SUGCT: variants seen among roughly 807,000 people sequenced by gnomAD.
The protein encoded by SUGCT is succinyl-CoA:glutarate-CoA transferase, also known as succinyl-CoA:glutarate CoA-transferase.
SUGCT carries 41 observed loss-of-function variants against 55.0 expected under a neutral mutation model. The ratio of observed to expected loss-of-function variants is 0.74; its 90% confidence interval spans 0.58 to 0.97. The LOEUF is 0.97. Ranked by LOEUF, SUGCT falls within the 50% of genes least tolerant of loss-of-function variation. SUGCT has a pLI of 0.00. For missense variants in SUGCT, 568 were observed against 547.8 expected (o/e 1.04, Z -0.37); for synonymous variants, 187 against 200.4 (o/e 0.93, Z 0.56).
chr7:40,255,879 T>G (rs778315343), intron 7 of SUGCT, among the ~76,000 whole-genome samples: 4 of 152,158 alleles, frequency 2.6e-5, no homozygotes, highest in Non-Finnish European at 4.4e-5. Context: ...GTAAATATAA[T>G]GGACAGAGTT....
intron 10 of SUGCT, among the ~76,000 whole-genome samples, chr7:40,456,840 A>C (rs891355920): frequency 1.1e-4 from 16 of 152,168 alleles, no homozygotes; most frequent in Non-Finnish European, 2.1e-4. Flanking sequence ...TGGCTGCAGC[A>C]ATGAGCAAGG....
intron 12 of SUGCT, among the ~76,000 whole-genome samples, chr7:40,582,224 C>G (rs1797138614): frequency 6.6e-6 from 1 of 152,008 alleles, no homozygotes; most frequent in Non-Finnish European, 1.5e-5. Flanking sequence ...AAAATAGAGT[C>G]TGAATGTGGA....
At chr7:40,922,812 C>T in the SUGCT span, among the ~76,000 whole-genome samples, 1 of 152,208 alleles carries the variant, frequency 6.6e-6, no homozygotes, top group Admixed American at 6.5e-5. Context: ...GACTTGCCTT[C>T]AGACATATTT....
Position 40,860,259 on chromosome 7 carries a change from A to G in SUGCT, c.1154-57A>G, listed in dbSNP as rs1794426722. 4 of 1,608,450 alleles carry G rather than the reference A, an allele frequency of 2.5e-6. No individual in the cohort carries two copies. The Admixed American group carries it at 6.7e-5, about 27-fold the overall frequency. ...GAAAACACCCCAGGCTGCTTAGGTA[A>G]TTAATTTCGTAGGGTTAGTCATTAA... On this transcript the variant is annotated intron_variant, in intron 13 of 13. Transcript: ENST00000335693.
the SUGCT span, among the ~76,000 whole-genome samples, chr7:40,895,119 A>C: frequency 6.6e-6 from 1 of 152,212 alleles, no homozygotes; most frequent in African/African-American, 2.4e-5. Context: ...ATGGAATACT[A>C]TGTAGCCATA....
intron 6 of SUGCT, among the ~76,000 whole-genome samples, chr7:40,211,462 G>A (rs1425794930): frequency 6.6e-6 from 1 of 152,124 alleles, no homozygotes; most frequent in Non-Finnish European, 1.5e-5. Context: ...TGATCTCCCT[G>A]CCTTGGCCTC....
chr7:40,922,411 C>T, the SUGCT span, among the ~76,000 whole-genome samples: 2 of 152,168 alleles, frequency 1.3e-5, no homozygotes, highest in Non-Finnish European at 2.9e-5. Context: ...CACCTTCCTT[C>T]TTCATTAGGT....
At chr7:40,507,043 A>G (rs574702308) in intron 12 of SUGCT, among the ~76,000 whole-genome samples, 14 of 152,088 alleles carry the variant, frequency 9.2e-5, no homozygotes, top group Admixed American at 9.2e-4. Flanking sequence ...TAAGTCTACC[A>G]TCAGGATCTC....
At chr7:40,793,761 C>T (rs1790426543) in intron 13 of SUGCT, among the ~76,000 whole-genome samples, 1 of 152,042 alleles carries the variant, frequency 6.6e-6, no homozygotes, top group Admixed American at 6.6e-5. Flanking sequence ...TCTAGAACTC[C>T]AGTTAGCTGT....
At chr7:40,291,975 T>G (rs374766440) in intron 8 of SUGCT, among the ~76,000 whole-genome samples, 4 of 152,198 alleles carry the variant, frequency 2.6e-5, no homozygotes, top group Non-Finnish European at 5.9e-5. Flanking sequence ...CATTAGCCCA[T>G]GCGGAGTGAT....
At chr7:40,160,195 C>G (rs1784079123) in intron 1 of SUGCT, among the ~76,000 whole-genome samples, 1 of 152,156 alleles carries the variant, frequency 6.6e-6, no homozygotes, top group Non-Finnish European at 1.5e-5. Flanking sequence ...TTGGGAAACC[C>G]TGAAACAATT....
intron 12 of SUGCT, among the ~76,000 whole-genome samples, chr7:40,580,167 C>T (rs1371934980): frequency 1.3e-5 from 2 of 151,996 alleles, no homozygotes; most frequent in Non-Finnish European, 2.9e-5. Context: ...GAAACATGAG[C>T]GTGAACAAGG....
At chr7:40,818,216 G>A (rs1417239190) in intron 13 of SUGCT, among the ~76,000 whole-genome samples, 1 of 152,206 alleles carries the variant, frequency 6.6e-6, no homozygotes, top group African/African-American at 2.4e-5. Context: ...CAGGCAGTCT[G>A]CCATCAACCT....
chr7:40,878,450 T>G, the SUGCT span, among the ~76,000 whole-genome samples: 30 of 152,176 alleles, frequency 2.0e-4, no homozygotes, highest in African/African-American at 7.2e-4. Context: ...TCTGGTAGGC[T>G]TCACTTTAGG....
chr7:40,448,567 G>T (rs1011499377), intron 9 of SUGCT, among the ~76,000 whole-genome samples: 6 of 151,936 alleles, frequency 3.9e-5, no homozygotes, highest in African/African-American at 1.5e-4. Context: ...AAGAAAAAGG[G>T]CCAGGCATGG....
rs143520015 is a variant in SUGCT at position 40,489,373 on chromosome 7, T to A, written c.987-6911T>A. On this transcript the variant is annotated intron_variant, in intron 11 of 13. Transcript: ENST00000335693. The stretch of plus-strand genomic sequence containing the variant: ...TTCTCTGTATTTTCTTTAAGTTCAC[T>A]GAGCTTCCTTAAAACTGCTATTTTG... Among the ~76,000 whole-genome samples the A allele has an allele frequency of 5.4e-3, 818 of 152,304 alleles. 13 individuals carry two copies. The highest frequency in any genetic ancestry group is 0.018 in the African/African-American group (763 of 41,578).
chr7:40,928,198 C>T, the SUGCT span, among the ~76,000 whole-genome samples: 2 of 151,846 alleles, frequency 1.3e-5, no homozygotes, highest in Non-Finnish European at 2.9e-5. Flanking sequence ...CCTATAAAAA[C>T]CTATGGATTT....
At chr7:40,296,488 T>C (rs577779650) in intron 8 of SUGCT, among the ~76,000 whole-genome samples, 2 of 152,302 alleles carry the variant, frequency 1.3e-5, no homozygotes, top group African/African-American at 2.4e-5. Flanking sequence ...CAAGTACATA[T>C]TACATTTTAT....
At chr7:40,982,188 G>A in the SUGCT span, among the ~76,000 whole-genome samples, 4 of 152,102 alleles carry the variant, frequency 2.6e-5, no homozygotes, top group Non-Finnish European at 5.9e-5. Flanking sequence ...ATACATAATA[G>A]CCATTATTAT....
Sources: gnomAD v4.1 joint callset for allele counts (sites outside exome capture counted in the v4.1 genomes callset) on GRCh38, gnomAD v4.1.1 for gene constraint, MANE v1.5 for transcripts, NCBI Gene and HGNC (gene_info 2026-07-23, HGNC 2026-07-21) for gene names.